RFX6: variants seen among roughly 807,000 people sequenced by gnomAD.
RFX6 encodes the protein DNA-binding protein RFX6.
RFX6 carries 50 observed loss-of-function variants against 110.8 expected under a neutral mutation model. The observed-to-expected ratio is 0.45, with a 90% CI of 0.36 to 0.57. The LOEUF (loss-of-function observed/expected upper bound fraction) is 0.57. Ranked by LOEUF, RFX6 falls within the 20% of genes least tolerant of loss-of-function variation. RFX6 has a pLI of 0.00. For synonymous variants in RFX6, 383 were observed against 411.2 expected, an observed-to-expected ratio of 0.93 and a Z score of 0.83; for missense variants, 990 against 1,127.0, an observed-to-expected ratio of 0.88 and a Z score of 1.74.
intron 6 of RFX6, among the ~76,000 whole-genome samples, chr6:116,900,984 G>A (rs527371696): frequency 1.3e-5 from 2 of 152,050 alleles, no homozygotes; most frequent in East Asian, 1.9e-4. Flanking sequence ...AAAGGGATGC[G>A]CATTCAGTAG....
chr6:116,912,183 T>C (rs1469523589), intron 7 of RFX6, among the ~76,000 whole-genome samples: 1 of 152,064 alleles, frequency 6.6e-6, no homozygotes, highest in Non-Finnish European at 1.5e-5. Flanking sequence ...AGACTACTGC[T>C]GGGGAAGGGG....
At chr6:116,919,856 A>C (rs78376636) in intron 11 of RFX6, among the ~76,000 whole-genome samples, 2 of 152,212 alleles carry the variant, frequency 1.3e-5, no homozygotes, top group Admixed American at 6.5e-5. Flanking sequence ...TCTTTCCCCA[A>C]AATGATTATC....
chr6:116,890,739 A>G (rs766128104), intron 4 of RFX6, among the ~76,000 whole-genome samples: 2 of 152,136 alleles, frequency 1.3e-5, no homozygotes, highest in Non-Finnish European at 2.9e-5. Flanking sequence ...TGTTATTTAC[A>G]TTTGACTTAT....
chr6:116,898,483 C>A (rs1040135342), intron 6 of RFX6, among the ~76,000 whole-genome samples: 4 of 152,062 alleles, frequency 2.6e-5, no homozygotes, highest in African/African-American at 9.7e-5. Context: ...GCACACACCA[C>A]CACACCCAGC....
Position 116,916,001 on chromosome 6 carries a change from G to T in RFX6, c.781-7G>T. ...GCTTTGGTTAAGCTTTTTCTTCCTTGAAATAGGTTGATACGCTCATAATGA... is the reference window on the plus strand; with the variant it reads ...GCTTTGGTTAAGCTTTTTCTTCCTTTAAATAGGTTGATACGCTCATAATGA... On this transcript the variant is annotated splice_region_variant and splice_polypyrimidine_tract_variant and intron_variant, in intron 7 of 18. Transcript: ENST00000332958. 1 of 1,598,920 alleles carries T rather than the reference G, an allele frequency of 6.3e-7. No homozygotes were observed. Among genetic ancestry groups the T allele is most frequent in the Non-Finnish European group, 8.6e-7 (1 of 1,167,078 alleles).
intron 17 of RFX6, 99 bp from the exon 18 acceptor site, chr6:116,928,660 A>T: frequency 1.3e-6 from 1 of 797,394 alleles, no homozygotes; most frequent in South Asian, 1.4e-5. Context: ...TTACAGTTTG[A>T]TATCTTTAGG....
At chr6:116,901,555 A>G (rs1653689439) in intron 6 of RFX6, among the ~76,000 whole-genome samples, 1 of 152,222 alleles carries the variant, frequency 6.6e-6, no homozygotes, top group South Asian at 2.1e-4. Context: ...AATTCAGGAT[A>G]AACAAAGAAT....
chr6:116,926,014 C>G (rs1333010711), intron 16 of RFX6, among the ~76,000 whole-genome samples: 2 of 152,078 alleles, frequency 1.3e-5, no homozygotes, highest in African/African-American at 4.8e-5. Context: ...TTTATTTCTC[C>G]TCCCTTAAAA....
At chr6:116,925,753 CCAA>C (rs1469639306) in intron 16 of RFX6, 94 bp downstream of exon 16, 1 of 815,904 alleles carries the variant, frequency 1.2e-6, no homozygotes, top group African/African-American at 1.7e-5. Context: ...TCCAGGAATT[CCAA>C]CAATAAAAAA....
chr6:116,919,983 T>TTTATA (rs1174228520), intron 11 of RFX6, among the ~76,000 whole-genome samples: 3 of 152,144 alleles, frequency 2.0e-5, no homozygotes, highest in Non-Finnish European at 4.4e-5. Context: ...AGAGAATCCA[T>TTTATA]TTATATTTTC....
At chr6:116,903,503 C>T (rs1231875805) in intron 6 of RFX6, among the ~76,000 whole-genome samples, 1 of 151,932 alleles carries the variant, frequency 6.6e-6, no homozygotes, top group African/African-American at 2.4e-5. Context: ...AAAACTCAAG[C>T]CCTTTCTCAT....
chr6:116,928,752 G>C lies in RFX6; in HGVS notation c.2399-7G>C. ...TAACAGCAAATTCTCAACATTTTCT[G>C]TTACAGGATACTATGGAAGCAACAT... On this transcript the variant is annotated splice_region_variant and splice_polypyrimidine_tract_variant and intron_variant, in intron 17 of 18. Transcript: ENST00000332958. 1 of 1,603,930 alleles carries C rather than the reference G, an allele frequency of 6.2e-7. No individual in the cohort carries two copies.
chr6:116,914,017 C>T (rs1267730225), intron 7 of RFX6, among the ~76,000 whole-genome samples: 1 of 152,136 alleles, frequency 6.6e-6, no homozygotes, highest in African/African-American at 2.4e-5. Context: ...TATCCAACAC[C>T]AGATCTTATT....
intron 6 of RFX6, 29 bp downstream of exon 6, chr6:116,895,236 A>C: frequency 1.6e-6 from 2 of 1,223,018 alleles, no homozygotes; most frequent in Non-Finnish European, 2.4e-6. Flanking sequence ...TCTATTTTAC[A>C]TCTGCTATAA....
chr6:116,887,533 T>C (rs529887829), intron 4 of RFX6, among the ~76,000 whole-genome samples: 8 of 152,240 alleles, frequency 5.3e-5, no homozygotes, highest in Non-Finnish European at 8.8e-5. Flanking sequence ...ATACACCTGG[T>C]TTTATTATCT....
intron 2 of RFX6, 53 bp from the exon 3 acceptor site, chr6:116,880,491 T>C: frequency 1.3e-6 from 2 of 1,553,574 alleles, no homozygotes; most frequent in South Asian, 2.3e-5. Context: ...AATGAGAAAG[T>C]TGAAGGAAAA....
At chr6:116,898,157 AG>A (rs1357298547) in intron 6 of RFX6, among the ~76,000 whole-genome samples, 2 of 152,160 alleles carry the variant, frequency 1.3e-5, no homozygotes, top group Non-Finnish European at 2.9e-5. Context: ...CATCAAGATA[AG>A]GAGTGGAAAG....
chr6:116,928,035 C>T (rs1005078621), intron 17 of RFX6, among the ~76,000 whole-genome samples: 1 of 150,996 alleles, frequency 6.6e-6, no homozygotes, highest in African/African-American at 2.4e-5. Context: ...AAGGTGTGAG[C>T]CAACACCCCC....
intron 4 of RFX6, among the ~76,000 whole-genome samples, chr6:116,888,773 C>A (rs1774755875): frequency 6.6e-6 from 1 of 152,146 alleles, no homozygotes; most frequent in African/African-American, 2.4e-5. Flanking sequence ...ATGGTAAATA[C>A]TCCCTAGCAA....
Sources: allele counts gnomAD v4.1 joint callset (sites outside exome capture counted in the v4.1 genomes callset), GRCh38; gene constraint gnomAD v4.1.1; transcripts MANE v1.5; gene names NCBI Gene and HGNC (gene_info 2026-07-23, HGNC 2026-07-21).